Variants in ATP8A1 observed in about 807,000 individuals in gnomAD.
The protein encoded by ATP8A1 is ATPase phospholipid transporting 8A1.
In ATP8A1, 90 loss-of-function variants were observed where a neutral mutation model predicts 177.7. The observed-to-expected ratio is 0.51, with a 90% CI of 0.43 to 0.60. ATP8A1 has a LOEUF of 0.60. Ranked by LOEUF, ATP8A1 falls within the 20% of genes least tolerant of loss-of-function variation. ATP8A1 has a pLI of 0.00. For missense variants in ATP8A1, 1,072 were observed against 1,392.8 expected (o/e 0.77, Z 3.67); for synonymous variants, 493 against 485.9 (o/e 1.01, Z -0.19).
intron 5 of ATP8A1, among the ~76,000 whole-genome samples, chr4:42,600,772 A>T (rs1443614339): frequency 6.6e-6 from 1 of 152,194 alleles, no homozygotes; most frequent in Non-Finnish European, 1.5e-5. Flanking sequence ...TTTCTTTAGC[A>T]CATAGAGGAA....
At chr4:42,454,474 T>C (rs1428278591) in intron 29 of ATP8A1, among the ~76,000 whole-genome samples, 1 of 152,222 alleles carries the variant, frequency 6.6e-6, no homozygotes, top group Non-Finnish European at 1.5e-5. Flanking sequence ...TGAAAGTGTA[T>C]TTTATTTGTT....
At chr4:42,524,282 T>C (rs1726450097) in intron 21 of ATP8A1, among the ~76,000 whole-genome samples, 1 of 152,192 alleles carries the variant, frequency 6.6e-6, no homozygotes, top group Admixed American at 6.6e-5. Flanking sequence ...TCTAAAAAAG[T>C]CTTGAGTTGT....
At chr4:42,493,248 T>G (rs781515064) in intron 24 of ATP8A1, among the ~76,000 whole-genome samples, 8 of 152,158 alleles carry the variant, frequency 5.3e-5, no homozygotes, top group Non-Finnish European at 1.0e-4. Flanking sequence ...ACATACCCTA[T>G]GGCTCAGAAC....
intron 1 of ATP8A1, among the ~76,000 whole-genome samples, chr4:42,644,700 C>A (rs138124813): frequency 2.3e-5 from 3 of 131,362 alleles, no homozygotes; most frequent in Admixed American, 7.6e-5. Context: ...TAGAACCCAG[C>A]GCCCATCAGA....
intron 33 of ATP8A1, among the ~76,000 whole-genome samples, chr4:42,424,140 G>A (rs1714311253): frequency 6.6e-6 from 1 of 151,856 alleles, no homozygotes; most frequent in Admixed American, 6.6e-5. Context: ...AACTGGTATT[G>A]GTGCATACCT....
chr4:42,554,425 G>C (rs751279230), intron 16 of ATP8A1, among the ~76,000 whole-genome samples: 35 of 152,208 alleles, frequency 2.3e-4, no homozygotes, highest in Non-Finnish European at 3.5e-4. Flanking sequence ...ACTGAAAGCT[G>C]AGAATCCAAG....
At chr4:42,608,350 G>A (rs908441430) in intron 5 of ATP8A1, among the ~76,000 whole-genome samples, 2 of 138,802 alleles carry the variant, frequency 1.4e-5, no homozygotes, top group Admixed American at 7.6e-5. Flanking sequence ...TGCCCTCCCC[G>A]GGCAATAATA....
intron 24 of ATP8A1, among the ~76,000 whole-genome samples, chr4:42,488,598 T>C (rs1195658934): frequency 6.6e-6 from 1 of 152,208 alleles, no homozygotes; most frequent in Admixed American, 6.5e-5. Context: ...AAAAATTTTC[T>C]AGGGCTTTCT....
At chr4:42,431,105 TAG>T (rs1715244826) in intron 33 of ATP8A1, among the ~76,000 whole-genome samples, 1 of 152,232 alleles carries the variant, frequency 6.6e-6, no homozygotes, top group Admixed American at 6.5e-5. Context: ...GAAACTAGAA[TAG>T]CGCTTTGACA....
At chr4:42,555,276 G>T (rs1183256205) in intron 16 of ATP8A1, among the ~76,000 whole-genome samples, 4 of 151,354 alleles carry the variant, frequency 2.6e-5, no homozygotes, top group African/African-American at 9.8e-5. Flanking sequence ...TTGGGTGGCA[G>T]AAGCCAGAGT....
rs755973970 is a variant in ATP8A1 at position 42,552,499 on chromosome 4, T to C, written c.1519+6A>G. ...AAACAATACTTTACAATTGCTTCAT[T>C]TGTACCTGGAGATGCTGCTTGATAA... On this transcript the variant is annotated splice_donor_region_variant and intron_variant, in intron 17 of 36. Transcript: ENST00000381668. The C allele has an allele frequency of 2.5e-6, 4 of 1,601,348 alleles. No individual in the cohort carries two copies. The highest frequency in any genetic ancestry group is 1.3e-5 in the African/African-American group (1 of 74,554).
chr4:42,479,259 C>A (rs6447164), intron 25 of ATP8A1, among the ~76,000 whole-genome samples: 1 of 152,044 alleles, frequency 6.6e-6, no homozygotes, highest in African/African-American at 2.4e-5. Context: ...GAGAAAGCTG[C>A]ATGGCCTGCA....
At chr4:42,486,426 A>G (rs1278657028) in intron 24 of ATP8A1, among the ~76,000 whole-genome samples, 1 of 152,216 alleles carries the variant, frequency 6.6e-6, no homozygotes, top group Admixed American at 6.5e-5. Flanking sequence ...TGATTTCTTT[A>G]TTATGGCTAG....
At chr4:42,643,779 T>G (rs1740244222) in intron 1 of ATP8A1, among the ~76,000 whole-genome samples, 1 of 152,146 alleles carries the variant, frequency 6.6e-6, no homozygotes, top group African/African-American at 2.4e-5. Context: ...TATTATCACT[T>G]TATCAAAGAG....
intron 12 of ATP8A1, among the ~76,000 whole-genome samples, chr4:42,576,469 C>T (rs1026180494): frequency 3.5e-5 from 2 of 57,318 alleles, no homozygotes; most frequent in Admixed American, 5.8e-4. Flanking sequence ...GAGCAAGACG[C>T]CGTCTCAAAA....
At chr4:42,611,146 G>T (rs1460407995) in intron 5 of ATP8A1, among the ~76,000 whole-genome samples, 2 of 152,200 alleles carry the variant, frequency 1.3e-5, no homozygotes, top group East Asian at 1.9e-4. Flanking sequence ...TCCAGTGGGA[G>T]ATAAGCAACT....
intron 24 of ATP8A1, among the ~76,000 whole-genome samples, chr4:42,487,525 A>G (rs1200982365): frequency 6.6e-6 from 1 of 152,000 alleles, no homozygotes; most frequent in Non-Finnish European, 1.5e-5. Context: ...ATAAATACAA[A>G]TATACATATT....
chr4:42,587,449 A>C (rs1359319492), intron 8 of ATP8A1, among the ~76,000 whole-genome samples: 1 of 151,430 alleles, frequency 6.6e-6, no homozygotes, highest in Non-Finnish European at 1.5e-5. Context: ...CTGGGATTAC[A>C]GGCACATGCC....
intron 35 of ATP8A1, among the ~76,000 whole-genome samples, chr4:42,418,504 ATTTTACTTT>A (rs1294271782): frequency 6.6e-6 from 1 of 152,086 alleles, no homozygotes; most frequent in Non-Finnish European, 1.5e-5. Context: ...GATTTGGGTT[ATTTTACTTT>A]TTTTAAAGTA....
Sources: gnomAD v4.1 joint callset for allele counts (sites outside exome capture counted in the v4.1 genomes callset) on GRCh38, gnomAD v4.1.1 for gene constraint, MANE v1.5 for transcripts, NCBI Gene and HGNC (gene_info 2026-07-23, HGNC 2026-07-21) for gene names.